The following AGO2 variants were observed in gnomAD, a reference collection of about 807,000 sequenced individuals.
AGO2 encodes argonaute RISC catalytic component 2.
In AGO2, 5 loss-of-function variants were observed where a neutral mutation model predicts 102.3. The ratio of observed to expected loss-of-function variants is 0.05; its 90% CI spans 0.03 to 0.10. AGO2 has a LOEUF of 0.10. AGO2 is among the 10% of genes least tolerant of loss of function. The probability of loss-of-function intolerance (pLI) is 1.00; values close to 1 mark genes in which losing one functional copy is unlikely to be tolerated. For missense variants in AGO2, 541 were observed against 1,183.7 expected, an observed-to-expected ratio of 0.46 and a Z score of 7.97; for synonymous variants, 449 against 473.1, an observed-to-expected ratio of 0.95 and a Z score of 0.66.
chr8:140,562,029 C>T (rs1357676087), intron 4 of AGO2, among the ~76,000 whole-genome samples: 2 of 152,160 alleles, frequency 1.3e-5, no homozygotes, highest in African/African-American at 4.8e-5. Context: ...AAAGAGTAAT[C>T]CTGAGAAAAA....
Position 140,535,568 on chromosome 8 carries a change from AC to A in AGO2, c.2170del (p.Val724LeufsTer59). 1 of 1,614,056 alleles carries A rather than the reference AC, an allele frequency of 6.2e-7. No homozygotes were observed. Among genetic ancestry groups the A allele is most frequent in the Non-Finnish European group, 8.5e-7 (1 of 1,179,956 alleles). On this transcript the variant is annotated frameshift_variant and splice_region_variant, in exon 17 of 19. Transcript: ENST00000220592. LOFTEE classifies it high-confidence loss of function. Reference protein sequence around the residue: ...RLFCTDKNERVGKSGNIPAGT... With the variant: ...RLFCTDKNERXGKSGNIPAGT... ...TGCTGGAATGTTTCCACTTTTCCCA[AC>A]CTTCGGCAACACAGGCATCTCGTTA... is the stretch of plus-strand genomic sequence containing the variant.
At chr8:140,613,895 G>C (rs2074109806) in intron 1 of AGO2, among the ~76,000 whole-genome samples, 1 of 151,696 alleles carries the variant, frequency 6.6e-6, no homozygotes, top group Non-Finnish European at 1.5e-5. Context: ...GTGCATGCCT[G>C]TGATCCCAGC....
intron 1 of AGO2, among the ~76,000 whole-genome samples, chr8:140,625,254 T>C (rs956519507): frequency 7.9e-5 from 12 of 152,290 alleles, no homozygotes; most frequent in Middle Eastern, 3.4e-3. Flanking sequence ...TACAGGCGCC[T>C]GCCACCATGC....
intron 1 of AGO2, among the ~76,000 whole-genome samples, chr8:140,613,124 C>T (rs1243500794): frequency 1.3e-5 from 2 of 151,960 alleles, no homozygotes; most frequent in African/African-American, 2.4e-5. Flanking sequence ...GGCGTGAACC[C>T]GGGAGGCGGA....
intron 1 of AGO2, among the ~76,000 whole-genome samples, chr8:140,607,375 A>C (rs2074010982): frequency 1.3e-5 from 2 of 150,844 alleles, no homozygotes; most frequent in Admixed American, 1.3e-4. Flanking sequence ...GTAGTGTGCT[A>C]TGACTGTACC....
chr8:140,558,289 A>G (rs1361754004), intron 7 of AGO2, among the ~76,000 whole-genome samples, 196 bp downstream of exon 7: 7 of 152,288 alleles, frequency 4.6e-5, no homozygotes, highest in Non-Finnish European at 8.8e-5. Flanking sequence ...CCCAGGGGGA[A>G]TTTCATGATC....
At chr8:140,569,600 C>A (rs891468711) in intron 3 of AGO2, among the ~76,000 whole-genome samples, 1 of 152,228 alleles carries the variant, frequency 6.6e-6, no homozygotes, top group Non-Finnish European at 1.5e-5. Flanking sequence ...CAAGGGCAGG[C>A]ATGGAGCTGG....
At chr8:140,537,076 A>G (rs1317698271) in intron 16 of AGO2, among the ~76,000 whole-genome samples, 2 of 152,248 alleles carry the variant, frequency 1.3e-5, no homozygotes, top group Admixed American at 6.5e-5. Context: ...TGAGCTACTC[A>G]GCAGTGAATT....
chr8:140,526,062 T>A lies in AGO2; in HGVS notation c.*5982A>T, dbSNP rs773640214. On this transcript the variant is annotated 3_prime_UTR_variant, in exon 19 of 19. Coordinates refer to ENST00000220592, the MANE Select transcript of AGO2 (RefSeq NM_012154.5). This position sits in a 1 kb window ranked among gnomAD's most constrained non-coding sequence, Gnocchi z 5.2. ...CCTTAGTTTGTTTTGCAGTAGGGAG[T>A]GAGAGTAACCCGAGGTCCCAAAGTC... The A allele has an allele frequency of 1.3e-5, 2 of 151,998 alleles. No individual in the cohort carries two copies. Among genetic ancestry groups the A allele is most frequent in the African/African-American group, 4.8e-5 (2 of 41,342 alleles). 9.4% of individuals were successfully genotyped at this position (151,998 alleles called of 1,614,324 possible).
At chr8:140,635,296 G>A (rs1024221200) in intron 1 of AGO2, among the ~76,000 whole-genome samples, 189 bp downstream of exon 1, 198 of 145,930 alleles carry the variant, frequency 1.4e-3, no homozygotes, top group Middle Eastern at 7.0e-3. Flanking sequence ...CCGAGAAAAC[G>A]GCCGGCTCGG....
chr8:140,549,433 G>A, intron 11 of AGO2, 135 bp from the exon 12 acceptor site: 1 of 849,292 alleles, frequency 1.2e-6, no homozygotes, highest in Admixed American at 3.1e-5. Context: ...TGTTCTTAAA[G>A]TCCTGAATGA....
In AGO2 at chr8:140,558,694, G is replaced by A. The variant is rs935767772; in HGVS notation, c.791-122C>T. On this transcript the variant is annotated intron_variant, in intron 6 of 18. Coordinates refer to ENST00000220592, the MANE Select transcript of AGO2 (RefSeq NM_012154.5). ...GACCCAAGTTATGGGGGGCTGCAGG[G>A]CTCCCCTAGGGAGGGTGACCCACAG... 4.6e-5 allele frequency: 48 copies of A among 1,054,726 alleles called. No homozygotes were observed. In the South Asian group the frequency reaches 5.2e-4, roughly 11 times the overall value. 65.3% of individuals were successfully genotyped at this position (1,054,726 alleles called of 1,614,324 possible).
At chr8:140,541,505 T>C in intron 14 of AGO2, 147 bp from the exon 15 acceptor site, 2 of 719,686 alleles carry the variant, frequency 2.8e-6, no homozygotes, top group South Asian at 4.0e-5. Flanking sequence ...TGGCTGGGTG[T>C]GAACTCAGCC....
chr8:140,638,564 G>T (rs2074423992), upstream of AGO2, among the ~76,000 whole-genome samples: 1 of 152,208 alleles, frequency 6.6e-6, no homozygotes, highest in African/African-American at 2.4e-5. Context: ...ATCCCTTCCA[G>T]CTCTAATAGT....
intron 1 of AGO2, among the ~76,000 whole-genome samples, chr8:140,604,121 T>C (rs1401916794): frequency 1.3e-5 from 2 of 152,128 alleles, no homozygotes; most frequent in African/African-American, 2.4e-5. Flanking sequence ...TCAGACACAG[T>C]ACGAAATGCT....
chr8:140,580,917 C>G (rs901471028), intron 2 of AGO2, among the ~76,000 whole-genome samples: 2 of 152,260 alleles, frequency 1.3e-5, no homozygotes, highest in Admixed American at 1.3e-4. Flanking sequence ...ACTGCGTGAC[C>G]TGAGCCTGGC....
In AGO2 at chr8:140,567,867, G is replaced by A. The variant is rs753903731; in HGVS notation, c.336+4945C>T. 1.2e-4 allele frequency among the ~76,000 whole-genome samples: 19 copies of A among 152,182 alleles called. No individual in the cohort carries two copies. Among genetic ancestry groups the A allele is most frequent in the Non-Finnish European group, 2.4e-4 (16 of 68,028 alleles). ...AGAGGCCAGCCTGGGGCTCACGCCTGTAATCCCAGTACCGTGGGAGGCCGA... is the reference window on the plus strand; with the variant it reads ...AGAGGCCAGCCTGGGGCTCACGCCTATAATCCCAGTACCGTGGGAGGCCGA... On this transcript the variant is annotated intron_variant, in intron 3 of 18. Transcript: ENST00000220592. This position sits in a 1 kb window ranked among gnomAD's most constrained non-coding sequence, Gnocchi z 5.0.
intron 17 of AGO2, among the ~76,000 whole-genome samples, chr8:140,534,552 G>A (rs1187744797): frequency 1.3e-5 from 2 of 152,234 alleles, no homozygotes; most frequent in Non-Finnish European, 2.9e-5. Context: ...TCAGCTCCCG[G>A]GCTGCAGGCT....
At chr8:140,550,194 G>A (rs1249732973) in intron 11 of AGO2, among the ~76,000 whole-genome samples, 2 of 152,224 alleles carry the variant, frequency 1.3e-5, no homozygotes, top group African/African-American at 4.8e-5. Context: ...CAGAAGGACA[G>A]ATGGCCACTC....
Sources: gnomAD v4.1 joint callset for allele counts (sites outside exome capture counted in the v4.1 genomes callset) on GRCh38, gnomAD v4.1.1 for gene constraint, Gnocchi (gnomAD v3.1) non-coding constraint, MANE v1.5 for transcripts, NCBI Gene and HGNC (gene_info 2026-07-23, HGNC 2026-07-21) for gene names.